PSMA1: variants seen among roughly 807,000 people sequenced by gnomAD.
PSMA1 encodes the protein proteasome 20S subunit alpha 1.
In PSMA1, 3 loss-of-function variants were observed where a neutral mutation model predicts 38.4. The ratio of observed to expected loss-of-function variants is 0.08; its 90% CI spans 0.04 to 0.20. The LOEUF (loss-of-function observed/expected upper bound fraction) is 0.20, where lower values mean the gene tolerates loss of function less well. Among genes scored for constraint, PSMA1 ranks in the 10% least tolerant of loss-of-function variants. PSMA1 has a pLI of 1.00. For missense variants in PSMA1, 227 were observed against 325.3 expected, an observed-to-expected ratio of 0.70 and a Z score of 2.32; for synonymous variants, 101 against 107.1, an observed-to-expected ratio of 0.94 and a Z score of 0.35.
At chr11:14,511,053 A>C in intron 7 of PSMA1, 102 bp from the exon 8 acceptor site, 2 of 692,840 alleles carry the variant, frequency 2.9e-6, no homozygotes, top group Non-Finnish European at 4.5e-6. Flanking sequence ...TTAGTTACAC[A>C]CTAAATTTAT....
chr11:14,609,052 C>T (rs1028580877), intron 2 of PSMA1, among the ~76,000 whole-genome samples: 3 of 152,252 alleles, frequency 2.0e-5, no homozygotes, highest in Non-Finnish European at 4.4e-5. Flanking sequence ...GGATGCAGTT[C>T]CTTCAAGAAC....
chr11:14,528,952 C>T (rs994120573), intron 2 of PSMA1, among the ~76,000 whole-genome samples: 1 of 152,028 alleles, frequency 6.6e-6, no homozygotes, highest in Non-Finnish European at 1.5e-5. Flanking sequence ...ATCCACCACC[C>T]GTTGCTGACT....
At chr11:14,536,883 G>C (rs1239099223) in intron 2 of PSMA1, among the ~76,000 whole-genome samples, 2 of 152,224 alleles carry the variant, frequency 1.3e-5, no homozygotes, top group Non-Finnish European at 2.9e-5. Context: ...CCGAAGTGCT[G>C]GGATTACAGG....
chr11:14,594,988 T>G (rs998286511), intron 2 of PSMA1, among the ~76,000 whole-genome samples: 6 of 146,886 alleles, frequency 4.1e-5, no homozygotes, highest in Non-Finnish European at 9.0e-5. Context: ...AATTCCCACC[T>G]ATGGGTGAGA....
chr11:14,627,237 A>G (rs1408987195), intron 1 of PSMA1, among the ~76,000 whole-genome samples: 1 of 152,132 alleles, frequency 6.6e-6, no homozygotes. Context: ...TTCATCCATA[A>G]CACTCATCAT....
At chr11:14,584,493 T>TTTTTTTG (rs1211103944) in intron 2 of PSMA1, among the ~76,000 whole-genome samples, 7 of 149,050 alleles carry the variant, frequency 4.7e-5, no homozygotes, top group South Asian at 2.1e-4. Context: ...TTTGGAGTGT[T>TTTTTTTG]TTTTTTGTTT....
intron 1 of PSMA1, among the ~76,000 whole-genome samples, chr11:14,642,789 C>A (rs1217581598): frequency 1.3e-5 from 2 of 152,146 alleles, no homozygotes; most frequent in Non-Finnish European, 2.9e-5. Context: ...GCTTTCAGGT[C>A]TGTGTTTCCT....
At chr11:14,509,177 C>T (rs1173952643) in intron 8 of PSMA1, among the ~76,000 whole-genome samples, 1 of 152,208 alleles carries the variant, frequency 6.6e-6, no homozygotes, top group Non-Finnish European at 1.5e-5. Context: ...CCGCAACTGA[C>T]TGCCTGACCT....
rs148992252 is a variant in PSMA1 at position 14,592,815 on chromosome 11, T to C, written c.21+18151A>G. Among the ~76,000 whole-genome samples the C allele has an allele frequency of 4.1e-4, 63 of 152,294 alleles. No homozygotes were observed. The East Asian group carries it at 9.8e-3, about 24-fold the overall frequency. On this transcript the variant is annotated intron_variant, in intron 2 of 10. Coordinates refer to the PSMA1 transcript ENST00000418988. ...TGAATAAATGGATAAATAATTCCAG[T>C]CTCCTCATATCTCAGGTCTCAGATA...
intron 1 of PSMA1, among the ~76,000 whole-genome samples, chr11:14,621,328 T>C (rs1297417933): frequency 6.6e-6 from 1 of 152,032 alleles, no homozygotes; most frequent in African/African-American, 2.4e-5. Flanking sequence ...CCAGCTGGAG[T>C]GCAGTAGCAC....
upstream of PSMA1, among the ~76,000 whole-genome samples, chr11:14,524,109 CAAAAAAAAAAAAAAAAAA>C (rs71044009): frequency 1.5e-3 from 80 of 54,240 alleles, 1 homozygote; most frequent in African/African-American, 6.0e-3. Flanking sequence ...GACCCTGTCT[CAAAAAAAAAAAAAAAAAA>C]AAAAAAAAAA....
chr11:14,574,051 T>C (rs751545190), intron 2 of PSMA1, among the ~76,000 whole-genome samples: 7 of 152,148 alleles, frequency 4.6e-5, no homozygotes, highest in African/African-American at 1.7e-4. Context: ...CTGGAACTTA[T>C]ATTTAAAAGA....
chr11:14,543,788 A>T (rs1198573270), intron 2 of PSMA1, among the ~76,000 whole-genome samples: 1 of 152,210 alleles, frequency 6.6e-6, no homozygotes, highest in Non-Finnish European at 1.5e-5. Flanking sequence ...ACTTCATTTT[A>T]TTATAATGAT....
At chr11:14,620,744 T>C (rs1471571190) in intron 1 of PSMA1, among the ~76,000 whole-genome samples, 1 of 152,212 alleles carries the variant, frequency 6.6e-6, no homozygotes, top group Non-Finnish European at 1.5e-5. Context: ...AAAGAATTCA[T>C]GTTTAGATCT....
chr11:14,511,060 T>G (rs1851334686), intron 7 of PSMA1, 109 bp from the exon 8 acceptor site: 1 of 617,926 alleles, frequency 1.6e-6, no homozygotes, highest in East Asian at 3.2e-5. Context: ...CACACTAAAT[T>G]TATCACAGTA....
chr11:14,607,218 G>A lies in PSMA1; in HGVS notation c.21+3748C>T, dbSNP rs368991416. On this transcript the variant is annotated intron_variant, in intron 2 of 10. Transcript: ENST00000418988. ...ACAAGGAAAGAAACACTGGAGTAGA[G>A]GAAAAGTTTTAGCTCTGAACATTTC... Among the ~76,000 whole-genome samples the A allele has an allele frequency of 2.3e-3, 346 of 152,304 alleles. 4 individuals carry two copies. The highest frequency in any genetic ancestry group is 8.0e-3 in the African/African-American group (334 of 41,570).
chr11:14,570,095 G>C (rs540586175), intron 2 of PSMA1, among the ~76,000 whole-genome samples: 188 of 152,314 alleles, frequency 1.2e-3, no homozygotes, highest in South Asian at 6.2e-3. Context: ...CCCAGACAAA[G>C]AGGATTTGGA....
chr11:14,561,701 A>G (rs900430309), intron 2 of PSMA1, among the ~76,000 whole-genome samples: 1 of 152,110 alleles, frequency 6.6e-6, no homozygotes, highest in Non-Finnish European at 1.5e-5. Flanking sequence ...TATCTGCTCA[A>G]TGTAGCCATG....
At chr11:14,583,180 C>G (rs1348360300) in intron 2 of PSMA1, among the ~76,000 whole-genome samples, 1 of 152,196 alleles carries the variant, frequency 6.6e-6, no homozygotes, top group Non-Finnish European at 1.5e-5. Context: ...TCTGCTGTTT[C>G]TTCTACCTTT....
Sources: gnomAD v4.1 joint callset for allele counts (sites outside exome capture counted in the v4.1 genomes callset) on GRCh38, gnomAD v4.1.1 for gene constraint, MANE v1.5 for transcripts, NCBI Gene and HGNC (gene_info 2026-07-23, HGNC 2026-07-21) for gene names.